The following XKR9 variants were observed in gnomAD, a reference collection of about 807,000 sequenced individuals.
XKR9 encodes the protein XK related 9, also known as XK-related protein 9.
A neutral mutation model predicts 32.0 loss-of-function variants in XKR9; 32 were observed. The observed-to-expected ratio is 1.00, with a 90% CI of 0.76 to 1.34. XKR9 has a LOEUF of 1.34. XKR9 is among the 40% of genes most tolerant of loss of function. The pLI is 0.00. For missense variants in XKR9, 546 were observed against 429.7 expected, an observed-to-expected ratio of 1.27 and a Z score of -2.39; for synonymous variants, 168 against 143.4, an observed-to-expected ratio of 1.17 and a Z score of -1.22.
At chr8:70,826,507 A>G in the XKR9 span, among the ~76,000 whole-genome samples, 2 of 152,166 alleles carry the variant, frequency 1.3e-5, no homozygotes, top group Non-Finnish European at 2.9e-5. Context: ...TTTTATTTAA[A>G]TCATAAGAAT....
chr8:70,784,930 C>G (rs1287973209), intron 2 of XKR9, among the ~76,000 whole-genome samples: 3 of 151,292 alleles, frequency 2.0e-5, no homozygotes, highest in Non-Finnish European at 4.4e-5. Flanking sequence ...CGAATTTAAT[C>G]AAATGCTTTT....
At chr8:71,018,408 A>G in the XKR9 span, among the ~76,000 whole-genome samples, 1 of 152,232 alleles carries the variant, frequency 6.6e-6, no homozygotes, top group Non-Finnish European at 1.5e-5. Context: ...TCTACAATTG[A>G]ATGAGGGTCA....
chr8:70,776,939 C>CTATA (rs1472403970), intron 2 of XKR9, among the ~76,000 whole-genome samples: 1 of 31,118 alleles, frequency 3.2e-5, no homozygotes, highest in Non-Finnish European at 6.4e-5. Flanking sequence ...CTCTCTCTCT[C>CTATA]TCTCTCTCTA....
At chr8:70,975,612 G>C in the XKR9 span, among the ~76,000 whole-genome samples, 2 of 152,252 alleles carry the variant, frequency 1.3e-5, no homozygotes, top group East Asian at 3.9e-4. Context: ...TCTCTGATTT[G>C]GTACCAGTAC....
chr8:70,731,690 G>T (rs1235391566), intron 4 of XKR9, among the ~76,000 whole-genome samples: 1 of 152,092 alleles, frequency 6.6e-6, no homozygotes, highest in Non-Finnish European at 1.5e-5. Flanking sequence ...CCTCTGAATG[G>T]TAATTCACAA....
the XKR9 span, among the ~76,000 whole-genome samples, chr8:71,045,957 G>A: frequency 6.6e-6 from 1 of 152,070 alleles, no homozygotes; most frequent in Non-Finnish European, 1.5e-5. Flanking sequence ...GGAGTTCACT[G>A]AGGATACCCA....
chr8:70,974,217 C>T, the XKR9 span, among the ~76,000 whole-genome samples: 1 of 150,638 alleles, frequency 6.6e-6, no homozygotes, highest in East Asian at 2.0e-4. Context: ...TATATAGTGT[C>T]CCTCTTTTTT....
At chr8:70,881,819 T>G in the XKR9 span, among the ~76,000 whole-genome samples, 1 of 152,334 alleles carries the variant, frequency 6.6e-6, no homozygotes, top group East Asian at 1.9e-4. Context: ...TGCAAACGTA[T>G]GTTTATTGCG....
the XKR9 span, among the ~76,000 whole-genome samples, chr8:70,802,380 T>C: frequency 3.9e-5 from 6 of 152,246 alleles, no homozygotes; most frequent in African/African-American, 1.4e-4. Context: ...TCACTGCATG[T>C]GGAGTGGGTC....
chr8:70,706,225 A>G (rs1019393831), intron 3 of XKR9, among the ~76,000 whole-genome samples: 2 of 151,824 alleles, frequency 1.3e-5, no homozygotes, highest in African/African-American at 4.8e-5. Flanking sequence ...AAATGTTTCA[A>G]TTTTTTTTGT....
the XKR9 span, among the ~76,000 whole-genome samples, chr8:70,800,507 A>G: frequency 6.6e-6 from 1 of 151,968 alleles, no homozygotes; most frequent in African/African-American, 2.4e-5. Flanking sequence ...TTATTTTTAG[A>G]TAAAGTGTTG....
chr8:70,705,319 A>G (rs943934103), intron 3 of XKR9, among the ~76,000 whole-genome samples: 2 of 152,206 alleles, frequency 1.3e-5, no homozygotes, highest in Non-Finnish European at 1.5e-5. Flanking sequence ...GTGAGAAGGT[A>G]AAGATAATAA....
the XKR9 span, among the ~76,000 whole-genome samples, chr8:70,886,773 C>G: frequency 6.6e-6 from 1 of 151,374 alleles, no homozygotes; most frequent in African/African-American, 2.4e-5. Flanking sequence ...TCCTTGTAGA[C>G]TCTGGATATT....
At chr8:70,873,148 A>T in the XKR9 span, among the ~76,000 whole-genome samples, 1 of 152,212 alleles carries the variant, frequency 6.6e-6, no homozygotes, top group Non-Finnish European at 1.5e-5. Flanking sequence ...TACTGCTCAG[A>T]TAAAGATTCC....
the XKR9 span, among the ~76,000 whole-genome samples, chr8:70,886,743 T>C: frequency 2.3e-4 from 35 of 152,238 alleles, no homozygotes; most frequent in African/African-American, 8.2e-4. Context: ...GTTTTTTTTT[T>C]CTTGTAAATT....
intron 2 of XKR9, among the ~76,000 whole-genome samples, chr8:70,679,227 C>T (rs1328522740): frequency 6.6e-6 from 1 of 152,182 alleles, no homozygotes; most frequent in Non-Finnish European, 1.5e-5. Context: ...TTTCACTTAA[C>T]ATTATATGAA....
At chr8:70,695,690 C>A (rs1425201473) in intron 3 of XKR9, among the ~76,000 whole-genome samples, 1 of 151,830 alleles carries the variant, frequency 6.6e-6, no homozygotes, top group Non-Finnish European at 1.5e-5. Context: ...TGGGTATATA[C>A]TCAGTAATGG....
chr8:71,032,447 A>C, the XKR9 span, among the ~76,000 whole-genome samples: 1 of 152,110 alleles, frequency 6.6e-6, no homozygotes, highest in Non-Finnish European at 1.5e-5. Flanking sequence ...TACATGGTTG[A>C]GTGGTTTCTT....
chr8:70,842,258 T>C, the XKR9 span, among the ~76,000 whole-genome samples: 2 of 152,208 alleles, frequency 1.3e-5, no homozygotes, highest in African/African-American at 4.8e-5. Flanking sequence ...TGCACCTTTA[T>C]GCTGGCTTCT....
Sources: allele counts gnomAD v4.1 joint callset (sites outside exome capture counted in the v4.1 genomes callset), GRCh38; gene constraint gnomAD v4.1.1; transcripts MANE v1.5; gene names NCBI Gene and HGNC (gene_info 2026-07-23, HGNC 2026-07-21).